The following SLCO4C1 variants were observed in gnomAD, a reference collection of about 807,000 sequenced individuals.
The protein encoded by SLCO4C1 is solute carrier organic anion transporter family member 4C1.
SLCO4C1 carries 58 observed loss-of-function variants against 72.1 expected under a neutral mutation model. The ratio of observed to expected loss-of-function variants is 0.80; its 90% CI spans 0.65 to 1.00. The LOEUF (loss-of-function observed/expected upper bound fraction) is 1.00, where lower values mean the gene tolerates loss of function less well. SLCO4C1 is among the 50% of genes least tolerant of loss of function. The pLI, the probability that SLCO4C1 is intolerant of heterozygous loss-of-function variation, is 0.00. For missense variants in SLCO4C1, 898 were observed against 857.9 expected (o/e 1.05, Z -0.58); for synonymous variants, 297 against 312.5 (o/e 0.95, Z 0.52).
At chr5:102,247,173 C>A in intron 10 of SLCO4C1, 79 bp downstream of exon 10, 3 of 1,130,298 alleles carry the variant, frequency 2.7e-6, no homozygotes, top group Non-Finnish European at 3.7e-6. Context: ...CAATATGAAC[C>A]CCAAATGAAC....
intron 2 of SLCO4C1, among the ~76,000 whole-genome samples, chr5:102,271,319 ATAT>A (rs1175303328): frequency 4.6e-5 from 7 of 150,962 alleles, no homozygotes; most frequent in African/African-American, 1.7e-4. Flanking sequence ...TTAATAATAA[ATAT>A]TATTAATATT....
intron 2 of SLCO4C1, among the ~76,000 whole-genome samples, chr5:102,271,790 T>A (rs1749157066): frequency 6.6e-6 from 1 of 152,130 alleles, no homozygotes; most frequent in Non-Finnish European, 1.5e-5. Flanking sequence ...AACAATGGTT[T>A]TATCTTAGCA....
chr5:102,279,596 C>G (rs1345045909), intron 2 of SLCO4C1, among the ~76,000 whole-genome samples: 1 of 151,874 alleles, frequency 6.6e-6, no homozygotes, highest in African/African-American at 2.4e-5. Flanking sequence ...ACAAAAACTA[C>G]AAAGCCAAAT....
intron 8 of SLCO4C1, among the ~76,000 whole-genome samples, chr5:102,253,804 CA>C (rs5870017): frequency 0.69 from 99,360 of 143,430 alleles, 34,121 homozygotes; most frequent in Middle Eastern, 0.8. Flanking sequence ...GACTCTATCT[CA>C]AAAAAAAAAA....
chr5:102,240,724 A>G lies in SLCO4C1; in HGVS notation c.1870T>C (p.Leu624=). The change falls in exon 11 of 13, where the codon TTA becomes CTA. Residue 624 remains leucine, a synonymous_variant. Coordinates refer to ENST00000310954, the MANE Select transcript of SLCO4C1 (RefSeq NM_180991.5). ...ATAAAGAAAAATGGCATACCTAATA[A>G]TCGAAGGACCATAAATTGTATTCCC... ...ALGIQFMVLR[L]LGTIPGPIIF... 1.2e-6 allele frequency: 2 copies of G among 1,610,436 alleles called. No homozygotes were observed. Among genetic ancestry groups the G allele is most frequent in the Non-Finnish European group, 1.7e-6 (2 of 1,177,744 alleles).
At chr5:102,281,698 GAAATAC>G (rs760741711) in intron 2 of SLCO4C1, among the ~76,000 whole-genome samples, 2 of 152,044 alleles carry the variant, frequency 1.3e-5, no homozygotes, top group Non-Finnish European at 2.9e-5. Flanking sequence ...AGCCATTAAA[GAAATAC>G]AAATTAAAAC....
intron 8 of SLCO4C1, among the ~76,000 whole-genome samples, chr5:102,255,236 C>T (rs998885547): frequency 2.0e-5 from 3 of 152,116 alleles, no homozygotes; most frequent in African/African-American, 7.2e-5. Context: ...AATGGCCAAC[C>T]CCTACGTGAA....
At chr5:102,260,876 A>G (rs1748929349) in intron 5 of SLCO4C1, among the ~76,000 whole-genome samples, 1 of 152,150 alleles carries the variant, frequency 6.6e-6, no homozygotes, top group African/African-American at 2.4e-5. Context: ...CTATAAATGA[A>G]TGGCTCAGGG....
rs200426679 is a variant in SLCO4C1, at chr5:102,257,238, G to A, written c.1346C>T (p.Thr449Ile). ...TGCAAACTTCATTGTGTTTTTACAT[G>A]TCATTCTGAATTTTGAAACAAGGAA... The part of the protein sequence containing the change: ...GGFLVSKFRM[T>I]CKNTMKFALF... Residue 449 changes from threonine (T) to isoleucine (I), a missense_variant, in exon 8 of 13, where the codon ACA (threonine) becomes ATA (isoleucine). By Grantham distance (89) the Thr-to-Ile change is moderately conservative (BLOSUM62 -1). Coordinates refer to ENST00000310954, the MANE Select transcript of SLCO4C1 (RefSeq NM_180991.5). 1.2e-6 allele frequency: 2 copies of A among 1,610,426 alleles called. No individual in the cohort carries two copies. Among genetic ancestry groups the A allele is most frequent in the East Asian group, 2.2e-5 (1 of 44,600 alleles).
chr5:102,291,638 A>G, intron 1 of SLCO4C1, 32 bp from the exon 2 acceptor site: 2 of 1,539,348 alleles, frequency 1.3e-6, no homozygotes, highest in Non-Finnish European at 1.8e-6. Context: ...GTGCATCATT[A>G]ATATTTTACC....
chr5:102,247,514 C>A, intron 9 of SLCO4C1, 72 bp from the exon 10 acceptor site: 1 of 1,037,364 alleles, frequency 9.6e-7, no homozygotes, highest in South Asian at 2.0e-5. Flanking sequence ...TAGGTATTCT[C>A]TAGACATGGC....
In SLCO4C1 at chr5:102,236,997, G is replaced by C. The variant is rs369013435; in HGVS notation, c.2036C>G (p.Thr679Ser). 3 of 1,605,564 alleles carry C rather than the reference G, an allele frequency of 1.9e-6. No homozygotes were observed. The South Asian group carries it at 3.4e-5, about 18-fold the overall frequency. The change falls in exon 13 of 13, where the codon ACC (threonine) becomes AGC (serine). Residue 679 changes from threonine to serine, a missense_variant. Physicochemically the swap from Thr to Ser is moderately conservative, Grantham distance 58 (BLOSUM62 1). Coordinates refer to ENST00000310954, the MANE Select transcript of SLCO4C1 (RefSeq NM_180991.5). ...GATTGCAAATCCATTGAAGAACATG[G>C]TGATAACTTTACAAGTAACACCTAA... ...VAISVTCKVI[T>S]MFFNGFAIFL...
At chr5:102,263,326 C>T (rs1748975743) in intron 4 of SLCO4C1, among the ~76,000 whole-genome samples, 2 of 152,102 alleles carry the variant, frequency 1.3e-5, no homozygotes, top group African/African-American at 4.8e-5. Context: ...ACTCTTGAGA[C>T]TCTTCAGACT....
chr5:102,240,814 A>G (rs779352567), intron 10 of SLCO4C1, 32 bp from the exon 11 acceptor site: 2 of 1,502,208 alleles, frequency 1.3e-6, no homozygotes, highest in East Asian at 4.5e-5. Flanking sequence ...GAGACCAAAA[A>G]AGGTGGTATA....
chr5:102,291,808 T>C (rs841927), intron 1 of SLCO4C1, among the ~76,000 whole-genome samples: 73,950 of 151,644 alleles, frequency 0.49, 19,240 homozygotes, highest in African/African-American at 0.67. Context: ...TTTATTTATT[T>C]TTTATTTTTA....
chr5:102,235,491 A>G lies in SLCO4C1; in HGVS notation c.*1367T>C, dbSNP rs1254773681. 3 of 152,228 alleles carry G rather than the reference A, an allele frequency of 2.0e-5. No individual in the cohort carries two copies. Among genetic ancestry groups the G allele is most frequent in the Non-Finnish European group, 4.4e-5 (3 of 68,046 alleles). 9.4% of individuals were successfully genotyped at this position (152,228 alleles called of 1,614,324 possible). ...CAAAGTTGGCATAAATCTGACCTGA[A>G]TAAACAGGGTTATAACATTATCAGG... On this transcript the variant is annotated 3_prime_UTR_variant, in exon 13 of 13. Coordinates refer to ENST00000310954, the MANE Select transcript of SLCO4C1 (RefSeq NM_180991.5).
chr5:102,295,318 C>A (rs1749628311), intron 1 of SLCO4C1, among the ~76,000 whole-genome samples: 1 of 152,210 alleles, frequency 6.6e-6, no homozygotes, highest in Admixed American at 6.5e-5. Context: ...TAAGGCTCAA[C>A]AACGTCGGGA....
In SLCO4C1 at chr5:102,265,577, C is replaced by T. The variant is rs571564694; in HGVS notation, c.803-1797G>A. Among the ~76,000 whole-genome samples, 3 of 152,102 alleles carry T rather than the reference C, an allele frequency of 2.0e-5. No homozygotes were observed. In the South Asian group the frequency reaches 6.2e-4, roughly 32 times the overall value. ...ACAGCACCATTTATTAAAGAGTCCC[C>T]AGTGTATATCCTTGGTATCTTTAGC... On this transcript the variant is annotated intron_variant, in intron 3 of 12. Coordinates refer to ENST00000310954, the MANE Select transcript of SLCO4C1 (RefSeq NM_180991.5).
At chr5:102,272,503 A>G (rs773715908) in intron 2 of SLCO4C1, among the ~76,000 whole-genome samples, 3 of 152,180 alleles carry the variant, frequency 2.0e-5, no homozygotes, top group Non-Finnish European at 4.4e-5. Flanking sequence ...ATAATAATCA[A>G]AAAAGAAAAA....
Sources: allele counts gnomAD v4.1 joint callset (sites outside exome capture counted in the v4.1 genomes callset), GRCh38; gene constraint gnomAD v4.1.1; transcripts MANE v1.5; gene names NCBI Gene and HGNC (gene_info 2026-07-23, HGNC 2026-07-21).